Variants in MYO18B observed in about 807,000 individuals in gnomAD.
MYO18B encodes the protein myosin XVIIIB.
In MYO18B, 204 loss-of-function variants were observed where a neutral mutation model predicts 273.0. The ratio of observed to expected loss-of-function variants is 0.75; its 90% CI spans 0.67 to 0.84. The LOEUF (loss-of-function observed/expected upper bound fraction) is 0.84, where lower values mean the gene tolerates loss of function less well. MYO18B is among the 40% of genes least tolerant of loss of function. The probability of loss-of-function intolerance (pLI) is 0.00; values close to 1 mark genes in which losing one functional copy is unlikely to be tolerated. For missense variants in MYO18B, 3,212 were observed against 3,287.6 expected, an observed-to-expected ratio of 0.98 and a Z score of 0.56; for synonymous variants, 1,330 against 1,305.7, an observed-to-expected ratio of 1.02 and a Z score of -0.40.
rs1601486934 is a variant in MYO18B, at chr22:25,890,945, C to T, written c.4434+70C>T. ...AAAATGGTTGGGTCTGCTCCCCGAC[C>T]CTCTCATTGGAGATCAGTAAGCTTA... is the stretch of plus-strand genomic sequence containing the variant. On this transcript the variant is annotated intron_variant, in intron 26 of 43. Transcript: ENST00000335473. 5 of 1,554,692 alleles carry T rather than the reference C, an allele frequency of 3.2e-6. No individual in the cohort carries two copies. In the South Asian group the frequency reaches 6.0e-5, roughly 19 times the overall value.
chr22:25,894,488 C>T (rs1350010565), intron 27 of MYO18B, among the ~76,000 whole-genome samples: 1 of 152,180 alleles, frequency 6.6e-6, no homozygotes, highest in Non-Finnish European at 1.5e-5. Flanking sequence ...TCTAATCAGT[C>T]AAACAGTTTT....
At chr22:25,772,540 A>G (rs1363187099) in intron 7 of MYO18B, 30 bp downstream of exon 7, 1 of 1,598,814 alleles carries the variant, frequency 6.3e-7, no homozygotes, top group Non-Finnish European at 8.5e-7. Context: ...GGCAGGGCTG[A>G]GGGGCTGAGG....
Position 25,843,857 on chromosome 22 carries a change from G to A in MYO18B, c.3331G>A (p.Ala1111Thr). The change falls in exon 18 of 44, where the codon GCC becomes ACC. Residue 1111 changes from alanine to threonine, a missense_variant. Ala to Thr is a moderately conservative substitution (Grantham distance 58). Transcript: ENST00000335473. ...WLHRAKPNLS[A>T]LDAPQVLHQS... is the part of the protein sequence containing the mutation. ...CCACAGAGCCAAGCCCAACCTCTCG[G>A]CCCTGGATGCACCCCAGGTCCTGCA... The A allele has an allele frequency of 6.2e-7, 1 of 1,612,682 alleles. No homozygotes were observed. The highest frequency in any genetic ancestry group is 8.5e-7 in the Non-Finnish European group (1 of 1,178,822).
chr22:25,972,725 G>A (rs1307084483), intron 39 of MYO18B, among the ~76,000 whole-genome samples: 1 of 152,208 alleles, frequency 6.6e-6, no homozygotes, highest in African/African-American at 2.4e-5. Flanking sequence ...GGAAGCCGAG[G>A]CAGGTGGATC....
chr22:25,781,865 A>G (rs755898495), intron 10 of MYO18B, 31 bp downstream of exon 10: 3 of 1,434,618 alleles, frequency 2.1e-6, no homozygotes, highest in Non-Finnish European at 2.8e-6. Flanking sequence ...GAGACAGCTG[A>G]GGGCAGTGCG....
chr22:25,928,460 T>C (rs1260122768), intron 34 of MYO18B, among the ~76,000 whole-genome samples: 2 of 150,172 alleles, frequency 1.3e-5, no homozygotes, highest in Non-Finnish European at 2.9e-5. Flanking sequence ...AGCCCTGATG[T>C]GCAGAATATC....
intron 1 of MYO18B, among the ~76,000 whole-genome samples, chr22:25,744,106 C>T (rs924313381): frequency 2.0e-5 from 3 of 152,174 alleles, no homozygotes; most frequent in Admixed American, 1.3e-4. Flanking sequence ...CAGCACCTGC[C>T]CTGTCAAAAC....
At chr22:25,975,169 G>T (rs963235948) in intron 39 of MYO18B, among the ~76,000 whole-genome samples, 4 of 152,290 alleles carry the variant, frequency 2.6e-5, no homozygotes, top group African/African-American at 7.2e-5. Flanking sequence ...TCCAAGAGGC[G>T]TGCACAACCT....
chr22:25,971,331 C>T (rs1011280383), intron 39 of MYO18B, among the ~76,000 whole-genome samples: 2 of 152,230 alleles, frequency 1.3e-5, no homozygotes, highest in African/African-American at 4.8e-5. Context: ...CTCTTTCAGG[C>T]ACCTGTCCTC....
At chr22:25,861,213 G>C (rs981983340) in intron 21 of MYO18B, among the ~76,000 whole-genome samples, 1 of 152,060 alleles carries the variant, frequency 6.6e-6, no homozygotes, top group African/African-American at 2.4e-5. Flanking sequence ...TAATTGTTCT[G>C]TAAATTATTG....
At chr22:26,038,575 T>G in the MYO18B span, among the ~76,000 whole-genome samples, 3 of 152,044 alleles carry the variant, frequency 2.0e-5, no homozygotes, top group African/African-American at 7.2e-5. Context: ...ACCACATGCA[T>G]ATTATGAAGA....
chr22:25,907,733 C>A (rs540059333), intron 31 of MYO18B, among the ~76,000 whole-genome samples: 1 of 152,284 alleles, frequency 6.6e-6, no homozygotes, highest in African/African-American at 2.4e-5. Context: ...TATGTTTCAT[C>A]TTAAGAGTGT....
chr22:25,943,891 T>A (rs566314306), intron 34 of MYO18B, among the ~76,000 whole-genome samples: 1 of 152,068 alleles, frequency 6.6e-6, no homozygotes, highest in Admixed American at 6.5e-5. Flanking sequence ...GGCTAATTTT[T>A]TTGTATTTTT....
At chr22:25,778,737 C>T (rs2087015597) in intron 8 of MYO18B, among the ~76,000 whole-genome samples, 1 of 151,848 alleles carries the variant, frequency 6.6e-6, no homozygotes, top group Non-Finnish European at 1.5e-5. Flanking sequence ...AGTGATCCAC[C>T]CACCTTGGCC....
chr22:25,962,255 C>T (rs919022750), intron 39 of MYO18B, among the ~76,000 whole-genome samples: 7 of 152,156 alleles, frequency 4.6e-5, no homozygotes, highest in Non-Finnish European at 8.8e-5. Context: ...CCTTTGTGTT[C>T]CCGTACCCCC....
intron 1 of MYO18B, among the ~76,000 whole-genome samples, chr22:25,753,383 C>T (rs1240183177): frequency 1.3e-5 from 2 of 152,196 alleles, no homozygotes; most frequent in Non-Finnish European, 2.9e-5. Context: ...GACCAGTCAG[C>T]TCTCTGTAAA....
intron 34 of MYO18B, among the ~76,000 whole-genome samples, chr22:25,935,897 C>G (rs1192988841): frequency 1.3e-5 from 2 of 152,236 alleles, no homozygotes; most frequent in Non-Finnish European, 2.9e-5. Flanking sequence ...CCCAAGGATG[C>G]ATGCAGTGCA....
At chr22:25,748,134 AC>A (rs2146528802) in intron 1 of MYO18B, among the ~76,000 whole-genome samples, 1 of 152,334 alleles carries the variant, frequency 6.6e-6, no homozygotes, top group South Asian at 2.1e-4. Context: ...GCTGAAGGTG[AC>A]AGATGAGAAA....
rs139616345 is a variant in MYO18B, at chr22:25,914,108, G to T, written c.5364+3058G>T. Among the ~76,000 whole-genome samples the T allele has an allele frequency of 1.6e-3, 249 of 152,048 alleles. 1 individual carries two copies. Among genetic ancestry groups the T allele is most frequent in the African/African-American group, 5.8e-3 (239 of 41,508 alleles). On this transcript the variant is annotated intron_variant, in intron 33 of 43. Transcript: ENST00000335473. ...TCCTGCAATTACCATGTATGCCTGGGTGTGTTTATGAACTCCTCATTGTGG... is the reference window on the plus strand; with the variant it reads ...TCCTGCAATTACCATGTATGCCTGGTTGTGTTTATGAACTCCTCATTGTGG...
Sources: gnomAD v4.1 joint callset for allele counts (sites outside exome capture counted in the v4.1 genomes callset) on GRCh38, gnomAD v4.1.1 for gene constraint, MANE v1.5 for transcripts, NCBI Gene and HGNC (gene_info 2026-07-23, HGNC 2026-07-21) for gene names.